LILRB2: variants seen among roughly 807,000 people sequenced by gnomAD.
LILRB2 encodes the protein leukocyte immunoglobulin-like receptor subfamily B member 2.
A neutral mutation model predicts 72.7 loss-of-function variants in LILRB2; 47 were observed. The observed-to-expected ratio is 0.65, with a 90% CI of 0.51 to 0.82. LILRB2 has a LOEUF of 0.82. Ranked by LOEUF, LILRB2 falls within the 40% of genes least tolerant of loss-of-function variation. The pLI, the probability that LILRB2 is intolerant of heterozygous loss-of-function variation, is 0.00. For missense variants in LILRB2, 767 were observed against 764.8 expected (o/e 1.00, Z -0.03); for synonymous variants, 279 against 313.7 (o/e 0.89, Z 1.17).
intron 5 of LILRB2, 76 bp downstream of exon 5, chr19:54,279,269 A>C: frequency 6.4e-7 from 1 of 1,552,798 alleles, no homozygotes; most frequent in Non-Finnish European, 8.7e-7. Flanking sequence ...AACTGCCCTG[A>C]GACACGGCTG....
chr19:54,278,560 G>T lies in LILRB2; in HGVS notation c.958C>A (p.Gln320Lys). Residue 320 changes from glutamine (Q) to lysine (K), a missense_variant and splice_region_variant, in exon 7 of 14, where the codon CAG becomes AAG. Coordinates refer to ENST00000314446, the MANE Select transcript of LILRB2 (RefSeq NM_001080978.4). ...GAGATGAAGGGTGTGCCACGGATCT[G>T]TCCTGGAGAGAAGAAGGATGGGTGA... ...SDPLDILITG[Q>K]IRGTPFISVQ... The T allele has an allele frequency of 2.5e-6, 4 of 1,613,606 alleles. No homozygotes were observed. The highest frequency in any genetic ancestry group is 3.4e-6 in the Non-Finnish European group (4 of 1,179,568).
intron 13 of LILRB2, 74 bp downstream of exon 13, chr19:54,275,877 G>A (rs1465941350): frequency 1.3e-6 from 2 of 1,567,328 alleles, no homozygotes; most frequent in Non-Finnish European, 1.8e-6. Flanking sequence ...GGGGGAAGGA[G>A]GACAGAGAAG....
Position 54,279,382 on chromosome 19 carries a change from C to G in LILRB2, c.621G>C (p.Trp207Cys), listed in dbSNP as rs1308641989. 1 of 1,614,040 alleles carries G rather than the reference C, an allele frequency of 6.2e-7. No individual in the cohort carries two copies. Among genetic ancestry groups the G allele is most frequent in the South Asian group, 1.1e-5 (1 of 91,068 alleles). Reference sequence around the variant, plus strand: ...GCTCCAGGAGATCACTGGGTGAAGACCACACATAGGGAGAGTTCAAGTCAT... The same window carrying G: ...GCTCCAGGAGATCACTGGGTGAAGAGCACACATAGGGAGAGTTCAAGTCAT... ...YGYDLNSPYVWSSPSDLLELL... is the reference protein window; with the variant it reads ...YGYDLNSPYVCSSPSDLLELL... Residue 207 changes from tryptophan (W) to cysteine (C), a missense_variant, in exon 5 of 14, where the codon TGG becomes TGC. Around this residue, in one of 3 missense-constraint regions of LILRB2, gnomAD observed 599 missense variants for 568.2 expected, o/e 1.05. Coordinates refer to ENST00000314446, the MANE Select transcript of LILRB2 (RefSeq NM_001080978.4).
rs907853479 is a variant in LILRB2, at chr19:54,274,130, A to G, written c.*553T>C. 5.8e-5 allele frequency: 9 copies of G among 154,586 alleles called. No individual in the cohort carries two copies. The highest frequency in any genetic ancestry group is 2.5e-4 in the Admixed American group (4 of 15,760). The allele number at this position is 154,586 out of a possible 1,614,324, so 9.6% of individuals were successfully genotyped here. A position where few individuals can be genotyped will look rare whatever the true frequency, so the allele number is the denominator to read the frequency against. On this transcript the variant is annotated 3_prime_UTR_variant, in exon 14 of 14. Transcript: ENST00000314446. ...GCCTGCTCTTTCTTTCTCTTGCTCA[A>G]TGTAGTTAGGATTTATGACTGTAAT...
chr19:54,275,830 G>A, intron 13 of LILRB2, 121 bp downstream of exon 13: 2 of 1,321,834 alleles, frequency 1.5e-6, no homozygotes, highest in South Asian at 2.4e-5. Flanking sequence ...GCAGCGTGCT[G>A]GACAAGGAGG....
chr19:54,273,990 T>G lies in LILRB2; in HGVS notation c.*693A>C, dbSNP rs1390224709. 1.3e-5 allele frequency: 2 copies of G among 152,444 alleles called. No individual in the cohort carries two copies. The highest frequency in any genetic ancestry group is 2.9e-5 in the Non-Finnish European group (2 of 68,212). 9.4% of individuals were successfully genotyped at this position (152,444 alleles called of 1,614,324 possible). Reference sequence around the variant, plus strand: ...AGTTTTGAATATTTCATCCATTTAATCTGCATTTTCTAGTATATTGGTATA... The same window carrying G: ...AGTTTTGAATATTTCATCCATTTAAGCTGCATTTTCTAGTATATTGGTATA... On this transcript the variant is annotated 3_prime_UTR_variant, in exon 14 of 14. Coordinates refer to ENST00000314446, the MANE Select transcript of LILRB2 (RefSeq NM_001080978.4).
intron 8 of LILRB2, 100 bp from the exon 9 acceptor site, chr19:54,277,697 C>T (rs1355398393): frequency 7.0e-6 from 10 of 1,422,794 alleles, no homozygotes; most frequent in Non-Finnish European, 8.6e-6. Context: ...TTTCTCTCTG[C>T]CTTGACCCCC....
At position 54,277,246 on chromosome 19, in the gene LILRB2, G is replaced by A. The variant is rs549302373; in HGVS notation, c.1357+304C>T. On this transcript the variant is annotated intron_variant, in intron 9 of 13. Transcript: ENST00000314446. ...CCTTACCGTCCTGAACCACGACTCT[G>A]CTCCCCTCCCCTGCCCCAGGTCACC... 14 of 1,532,510 alleles carry A rather than the reference G, an allele frequency of 9.1e-6. No individual in the cohort carries two copies. The African/African-American group carries it at 1.7e-4, about 18-fold the overall frequency. 94.9% of individuals were successfully genotyped at this position (1,532,510 alleles called of 1,614,324 possible).
chr19:54,278,384 C>T lies in LILRB2; in HGVS notation c.1134G>A (p.Gln378=), dbSNP rs1344212702. The T allele has an allele frequency of 6.2e-7, 1 of 1,614,200 alleles. No homozygotes were observed. Among genetic ancestry groups the T allele is most frequent in the Admixed American group, 1.7e-5 (1 of 60,026 alleles). Reference sequence around the variant, plus strand: ...TCACAGGACTCATGGGGAATTCAGCCTGGTACTTAGGATATTCGTGTATTG... The same window carrying T: ...TCACAGGACTCATGGGGAATTCAGCTTGGTACTTAGGATATTCGTGTATTG... ...LRSIHEYPKY[Q]AEFPMSPVTS... is the part of the protein sequence containing the mutation. The change falls in exon 7 of 14, where the codon CAG becomes CAA. Residue 378 remains glutamine, a synonymous_variant. Transcript: ENST00000314446.
intron 9 of LILRB2, 90 bp from the exon 10 acceptor site, chr19:54,277,019 C>G (rs2080263899): frequency 1.3e-6 from 2 of 1,523,050 alleles, no homozygotes; most frequent in Non-Finnish European, 8.9e-7. Flanking sequence ...CTGTTCACCA[C>G]CTCCAACCCC....
rs1391971640 is a variant in LILRB2, at chr19:54,274,468, A to G, written c.*215T>C. On this transcript the variant is annotated 3_prime_UTR_variant, in exon 14 of 14. Coordinates refer to ENST00000314446, the MANE Select transcript of LILRB2 (RefSeq NM_001080978.4). ...AGTTTTCTCGGTTAACTCATTGATT[A>G]TTGAGAAGTCTGTTGCTTTAATTAA... 5.9e-6 allele frequency: 5 copies of G among 843,906 alleles called. No individual in the cohort carries two copies. Among genetic ancestry groups the G allele is most frequent in the Non-Finnish European group, 8.9e-6 (5 of 564,942 alleles). The allele number at this position is 843,906 out of a possible 1,614,324, so 52.3% of individuals were successfully genotyped here.
intron 7 of LILRB2, 118 bp downstream of exon 7, chr19:54,278,142 C>T (rs2080332681): frequency 2.1e-6 from 3 of 1,396,826 alleles, no homozygotes; most frequent in East Asian, 2.4e-5. Flanking sequence ...GGGTGAGTCT[C>T]CCACTGGCTG....
chr19:54,275,356 G>T, intron 13 of LILRB2: 1 of 528,690 alleles, frequency 1.9e-6, no homozygotes, highest in South Asian at 2.0e-5. Flanking sequence ...TCGTCCATTA[G>T]AGGATCGTGT....
chr19:54,277,929 C>T lies in LILRB2; in HGVS notation c.1269G>A (p.Met423Ile). 6.5e-7 allele frequency: 1 copy of T among 1,532,120 alleles called. No homozygotes were observed. The highest frequency in any genetic ancestry group is 8.8e-7 in the Non-Finnish European group (1 of 1,137,878). The allele number at this position is 1,532,120 out of a possible 1,614,324, so 94.9% of individuals were successfully genotyped here. Residue 423 changes from methionine (M) to isoleucine (I), a missense_variant, in exon 8 of 14, where the codon ATG becomes ATA. Met to Ile is a conservative substitution (Grantham distance 10, BLOSUM62 1). This residue lies in a region of LILRB2 where 599 missense variants were observed against 568.2 expected (regional missense o/e 1.05). Transcript: ENST00000314446. ...GACCGGTGGGTGGGGGGCTGGAACC[C>T]ATGGAGGGTCCTGGGTGAAAGAATG... is the stretch of plus-strand genomic sequence containing the variant. ...PLELVVSGPS[M>I]GSSPPPTGPI...
rs189321010 is a variant in LILRB2 at position 54,280,944 on chromosome 19, C to T, written c.-49+17G>A. 1.8e-5 allele frequency: 24 copies of T among 1,333,340 alleles called. No homozygotes were observed. Among genetic ancestry groups the T allele is most frequent in the African/African-American group, 1.2e-4 (8 of 68,430 alleles). 82.6% of individuals were successfully genotyped at this position (1,333,340 alleles called of 1,614,324 possible). ...TCCTTCAGCCCATCCATCAGCACAG[C>T]GTTGTGGGGTCCTTACCATGGCAGT... On this transcript the variant is annotated intron_variant, in intron 1 of 13. Coordinates refer to ENST00000314446, the MANE Select transcript of LILRB2 (RefSeq NM_001080978.4).
chr19:54,273,862 A>T lies in LILRB2; in HGVS notation c.*821T>A, dbSNP rs1217911244. The T allele has an allele frequency of 2.0e-5, 3 of 149,578 alleles. No individual in the cohort carries two copies. The highest frequency in any genetic ancestry group is 7.6e-5 in the African/African-American group (3 of 39,678). The allele number at this position is 149,578 out of a possible 1,614,324, so 9.3% of individuals were successfully genotyped here. On this transcript the variant is annotated 3_prime_UTR_variant, in exon 14 of 14. Coordinates refer to ENST00000314446, the MANE Select transcript of LILRB2 (RefSeq NM_001080978.4). ...TTATTACAGTCAATGTTTTTCACAC[A>T]CACACACACACACACACACACACAT...
At chr19:54,277,655 C>A in intron 8 of LILRB2, 58 bp from the exon 9 acceptor site, 1 of 1,513,134 alleles carries the variant, frequency 6.6e-7, no homozygotes, top group Non-Finnish European at 8.9e-7. Flanking sequence ...CACATCAGCC[C>A]GGCTGCTCCT....
At position 54,276,888 on chromosome 19, in the gene LILRB2, C is replaced by A. The variant is rs373805149; in HGVS notation, c.1399G>T (p.Ala467Ser). 1.9e-6 allele frequency: 3 copies of A among 1,613,934 alleles called. No individual in the cohort carries two copies. In the Admixed American group the frequency reaches 5.0e-5, roughly 27 times the overall value. The change falls in exon 10 of 14, where the codon GCC becomes TCC. Residue 467 changes from alanine (A) to serine (S), a missense_variant. Coordinates refer to ENST00000314446, the MANE Select transcript of LILRB2 (RefSeq NM_001080978.4). Reference sequence around the variant, plus strand: ...AGGAGGAGGAGCAGTAGGACGACGGCCACCAAGATGCCGATCACAACCCCC... The same window carrying A: ...AGGAGGAGGAGCAGTAGGACGACGGACACCAAGATGCCGATCACAACCCCC... The part of the protein sequence containing the change: ...HLGVVIGILV[A>S]VVLLLLLLLL...
At chr19:54,277,364 G>A (rs1460839077) in intron 9 of LILRB2, 186 bp downstream of exon 9, 2 of 1,204,152 alleles carry the variant, frequency 1.7e-6, no homozygotes, top group African/African-American at 3.1e-5. Context: ...GTCACAGCTG[G>A]GAGTGAGAGC....
Sources: allele counts gnomAD v4.1 joint callset, GRCh38; gene constraint gnomAD v4.1.1; regional missense constraint gnomAD v4.1.1; transcripts MANE v1.5; gene names NCBI Gene and HGNC (gene_info 2026-07-23, HGNC 2026-07-21).